The following CHSY3 variants were observed in gnomAD, a reference collection of about 807,000 sequenced individuals.
The protein encoded by CHSY3 is chondroitin sulfate synthase 3.
Under a neutral mutation model 67.2 loss-of-function variants are expected in CHSY3, and 35 were observed. That is an observed-to-expected ratio of 0.52 (90% CI 0.40 to 0.69). The LOEUF is 0.69. Among genes scored for constraint, CHSY3 ranks in the 30% least tolerant of loss-of-function variants. The pLI, the probability that CHSY3 is intolerant of heterozygous loss-of-function variation, is 0.00. For missense variants in CHSY3, 1,069 were observed against 1,138.5 expected, an observed-to-expected ratio of 0.94 and a Z score of 0.88; for synonymous variants, 474 against 434.7, an observed-to-expected ratio of 1.09 and a Z score of -1.12.
At position 130,184,829 on chromosome 5, in the gene CHSY3, C is replaced by A; in HGVS notation, c.1687C>A (p.Leu563Ile). Residue 563 changes from leucine to isoleucine, a missense_variant, in exon 3 of 3, where the codon CTT becomes ATT. Around this residue, in one of 5 missense-constraint regions of CHSY3, gnomAD observed 401 missense variants for 395.2 expected, o/e 1.01. Coordinates refer to ENST00000305031, the MANE Select transcript of CHSY3 (RefSeq NM_175856.5). ...TGTGCCAGTGAGACGTCATGCCTAT[C>A]TTCAGCAGTTGTTCAGCAAGCCTTT... ...LTVPVRRHAYLQQLFSKPFFR... is the reference protein window; with the variant it reads ...LTVPVRRHAYIQQLFSKPFFR... 6.2e-7 allele frequency: 1 copy of A among 1,610,956 alleles called. No individual in the cohort carries two copies. The highest frequency in any genetic ancestry group is 1.7e-5 in the Admixed American group (1 of 59,998).
At position 130,141,878 on chromosome 5, in the gene CHSY3, C is replaced by A. The variant is rs1768878263; in HGVS notation, c.1087-42351C>A. The A allele has an allele frequency of 1.6e-5, 4 of 254,522 alleles. No individual in the cohort carries two copies. In the South Asian group the frequency reaches 1.7e-4, roughly 11 times the overall value. 15.8% of individuals were successfully genotyped at this position (254,522 alleles called of 1,614,324 possible). On this transcript the variant is annotated intron_variant, in intron 2 of 2. Transcript: ENST00000305031. ...ACAGGAGGCACACCAGAAGGAATGC[C>A]TGGGGGATTCCCTGATGGTGGAGCT...
chr5:130,147,924 G>C (rs1769119575), intron 2 of CHSY3, among the ~76,000 whole-genome samples: 1 of 152,072 alleles, frequency 6.6e-6, no homozygotes, highest in Non-Finnish European at 1.5e-5. Flanking sequence ...GTGTCATGGG[G>C]GGTTGTTGTA....
At chr5:130,001,016 G>A (rs1000960845) in intron 2 of CHSY3, among the ~76,000 whole-genome samples, 3 of 151,188 alleles carry the variant, frequency 2.0e-5, no homozygotes, top group Non-Finnish European at 4.4e-5. Flanking sequence ...TCAGCCTCCC[G>A]AGTAGCTGAG....
intron 2 of CHSY3, among the ~76,000 whole-genome samples, chr5:129,986,638 TTTTA>T (rs1029977166): frequency 2.0e-5 from 3 of 152,026 alleles, no homozygotes; most frequent in South Asian, 2.1e-4. Context: ...CTTTCCTTTA[TTTTA>T]TTTATTTATT....
chr5:130,184,083 T>C, intron 2 of CHSY3, 146 bp from the exon 3 acceptor site: 1 of 594,846 alleles, frequency 1.7e-6, no homozygotes, highest in Admixed American at 4.4e-5. Flanking sequence ...TTTTAAATAA[T>C]ATAAATATTA....
chr5:130,120,241 T>C (rs1217746096), intron 2 of CHSY3, among the ~76,000 whole-genome samples: 2 of 152,160 alleles, frequency 1.3e-5, no homozygotes, highest in African/African-American at 2.4e-5. Context: ...TCATTATCTC[T>C]TGCCTACATA....
chr5:129,992,076 C>T (rs780920117), intron 2 of CHSY3, among the ~76,000 whole-genome samples: 4 of 152,150 alleles, frequency 2.6e-5, no homozygotes, highest in African/African-American at 4.8e-5. Context: ...TGTTTTGTAG[C>T]TTGCCTTTGA....
In CHSY3 at chr5:130,072,673, G is replaced by A. The variant is rs528841339; in HGVS notation, c.1087-111556G>A. Among the ~76,000 whole-genome samples the A allele has an allele frequency of 7.2e-5, 11 of 152,112 alleles. No individual in the cohort carries two copies. In the South Asian group the frequency reaches 1.7e-3, roughly 23 times the overall value. On this transcript the variant is annotated intron_variant, in intron 2 of 2. Coordinates refer to ENST00000305031, the MANE Select transcript of CHSY3 (RefSeq NM_175856.5). ...ATTTGTGGTTCCATGCAAACTTTAGGATTTTTTCCTATTTATATGAAAAAA... is the reference window on the plus strand; with the variant it reads ...ATTTGTGGTTCCATGCAAACTTTAGAATTTTTTCCTATTTATATGAAAAAA...
At chr5:130,173,511 C>T (rs1226799240) in intron 2 of CHSY3, among the ~76,000 whole-genome samples, 2 of 152,118 alleles carry the variant, frequency 1.3e-5, no homozygotes, top group African/African-American at 2.4e-5. Flanking sequence ...TGTATACACA[C>T]ATGGATTTAG....
Position 129,979,715 on chromosome 5 carries a change from C to T in CHSY3, c.1086+71355C>T, listed in dbSNP as rs141314692. Among the ~76,000 whole-genome samples, 266 of 152,252 alleles carry T rather than the reference C, an allele frequency of 1.7e-3. 1 individual carries two copies. The highest frequency in any genetic ancestry group is 5.9e-3 in the African/African-American group (244 of 41,556). The stretch of plus-strand genomic sequence containing the variant: ...ATGTATTCATCATTATTGTATTTTA[C>T]GGAGTACATTATAAATATCCTCTGC... On this transcript the variant is annotated intron_variant, in intron 2 of 2. Transcript: ENST00000305031.
At chr5:129,993,330 T>C (rs577248526) in intron 2 of CHSY3, among the ~76,000 whole-genome samples, 1 of 152,248 alleles carries the variant, frequency 6.6e-6, no homozygotes, top group South Asian at 2.1e-4. Flanking sequence ...CCCACTATTA[T>C]TGTGTGGGAG....
At chr5:130,117,467 G>C (rs1767848222) in intron 2 of CHSY3, among the ~76,000 whole-genome samples, 1 of 152,186 alleles carries the variant, frequency 6.6e-6, no homozygotes, top group South Asian at 2.1e-4. Flanking sequence ...CCAGTCAATG[G>C]CTTTCTCTCT....
intron 2 of CHSY3, among the ~76,000 whole-genome samples, chr5:130,128,293 CAT>C (rs773662288): frequency 6.7e-5 from 10 of 149,364 alleles, no homozygotes; most frequent in Admixed American, 2.7e-4. Flanking sequence ...CGCATATATA[CAT>C]GTTATGATGT....
chr5:129,994,498 T>G (rs1370183652), intron 2 of CHSY3, among the ~76,000 whole-genome samples: 1 of 152,152 alleles, frequency 6.6e-6, no homozygotes, highest in Non-Finnish European at 1.5e-5. Flanking sequence ...TTCCAGTTGA[T>G]CGCATCAGCT....
At chr5:129,922,448 A>G (rs1369017381) in intron 2 of CHSY3, among the ~76,000 whole-genome samples, 5 of 152,204 alleles carry the variant, frequency 3.3e-5, no homozygotes, top group South Asian at 4.1e-4. Flanking sequence ...TTACATTCCC[A>G]CCAAAAGTGT....
intron 1 of CHSY3, 107 bp downstream of exon 1, chr5:129,905,738 T>G (rs1760260476): frequency 6.6e-7 from 1 of 1,524,900 alleles, no homozygotes; most frequent in South Asian, 1.3e-5. Context: ...TGCCAGCACG[T>G]GCTTCGGGCT....
At chr5:130,160,038 ACT>A (rs934209742) in intron 2 of CHSY3, among the ~76,000 whole-genome samples, 1 of 152,128 alleles carries the variant, frequency 6.6e-6, no homozygotes, top group Non-Finnish European at 1.5e-5. Flanking sequence ...TACTGGAGAT[ACT>A]CTGTTTTGAG....
At chr5:130,061,082 A>G (rs960861456) in intron 2 of CHSY3, among the ~76,000 whole-genome samples, 2 of 152,304 alleles carry the variant, frequency 1.3e-5, no homozygotes, top group Middle Eastern at 3.4e-3. Context: ...ATATGGAACC[A>G]GAAAAGACCC....
At chr5:129,905,900 C>T (rs555108670) in intron 1 of CHSY3, 1 of 696,428 alleles carries the variant, frequency 1.4e-6, no homozygotes, top group African/African-American at 1.8e-5. Flanking sequence ...CGCGCTTGTC[C>T]CTTAGTCTTT....
Sources: gnomAD v4.1 joint callset for allele counts (sites outside exome capture counted in the v4.1 genomes callset) on GRCh38, gnomAD v4.1.1 for gene constraint, gnomAD v4.1.1 regional missense constraint, MANE v1.5 for transcripts, NCBI Gene and HGNC (gene_info 2026-07-23, HGNC 2026-07-21) for gene names.